Variants in PECAM1 observed in about 807,000 individuals in gnomAD.
PECAM1 encodes platelet endothelial cell adhesion molecule.
PECAM1 carries 8 observed loss-of-function variants against 13.8 expected under a neutral mutation model. The observed-to-expected ratio is 0.58, with a 90% CI of 0.34 to 1.05. PECAM1 has a LOEUF of 1.05. Ranked by LOEUF, PECAM1 falls within the 50% of genes least tolerant of loss-of-function variation. The pLI, the probability that PECAM1 is intolerant of heterozygous loss-of-function variation, is 0.03. For synonymous variants in PECAM1, 136 were observed against 52.6 expected, an observed-to-expected ratio of 2.58 and a Z score of -6.86; for missense variants, 304 against 141.2, an observed-to-expected ratio of 2.15 and a Z score of -5.84.
chr17:64,362,038 G>A (rs1284351941), intron 6 of PECAM1, among the ~76,000 whole-genome samples: 1 of 152,180 alleles, frequency 6.6e-6, no homozygotes, highest in Non-Finnish European at 1.5e-5. Context: ...CACAGCCACA[G>A]GTTAAATGAA....
intron 15 of PECAM1, among the ~76,000 whole-genome samples, chr17:64,327,850 G>A (rs746469833): frequency 3.9e-5 from 6 of 152,254 alleles, no homozygotes; most frequent in Admixed American, 6.5e-5. Context: ...GGGAATGATC[G>A]CCAGGTTTGA....
At chr17:64,354,791 C>A in intron 9 of PECAM1, 142 bp downstream of exon 9, 1 of 410,914 alleles carries the variant, frequency 2.4e-6, no homozygotes, top group African/African-American at 2.1e-5. Flanking sequence ...CCAAATTTAT[C>A]TTTTCTGGTT....
At position 64,375,320 on chromosome 17, in the gene PECAM1, T is replaced by C. The variant is rs2036331891; in HGVS notation, c.422A>G (p.Glu141Gly). 6.3e-6 allele frequency: 3 copies of C among 474,356 alleles called. No homozygotes were observed. Among genetic ancestry groups the C allele is most frequent in the Non-Finnish European group, 1.2e-5 (3 of 258,802 alleles). The allele number at this position is 474,356 out of a possible 1,614,324, so 29.4% of individuals were successfully genotyped here. Residue 141 changes from glutamate (E) to glycine (G), a missense_variant, in exon 4 of 16, where the codon GAG becomes GGG. Physicochemically the swap from Glu to Gly is moderately conservative, Grantham distance 98. Transcript: ENST00000563924. ...PSPRVTLDKK[E>G]AIQGGIVRVN... Reference sequence around the variant, plus strand: ...CCTCACGATCCCACCTTGGATGGCCTCTTTCTTGTCCAGTGTCACCCTGGG... The same window carrying C: ...CCTCACGATCCCACCTTGGATGGCCCCTTTCTTGTCCAGTGTCACCCTGGG...
At chr17:64,338,557 A>T (rs1439449256) in intron 14 of PECAM1, among the ~76,000 whole-genome samples, 4 of 127,584 alleles carry the variant, frequency 3.1e-5, no homozygotes, top group Non-Finnish European at 7.0e-5. Context: ...ATATATTTAT[A>T]TTTATTTTTA....
At chr17:64,374,536 C>A (rs2036313217) in intron 4 of PECAM1, among the ~76,000 whole-genome samples, 1 of 151,896 alleles carries the variant, frequency 6.6e-6, no homozygotes, top group Non-Finnish European at 1.5e-5. Context: ...GTAATCCCAG[C>A]ACTATGGGAG....
At chr17:64,325,441 A>G (rs910516488) in intron 15 of PECAM1, among the ~76,000 whole-genome samples, 3 of 151,592 alleles carry the variant, frequency 2.0e-5, no homozygotes, top group South Asian at 2.1e-4. Context: ...GACAATTAAA[A>G]AAAAGGATTC....
intron 3 of PECAM1, among the ~76,000 whole-genome samples, chr17:64,377,256 TG>T (rs2036380699): frequency 6.6e-6 from 1 of 152,182 alleles, no homozygotes; most frequent in South Asian, 2.1e-4. Context: ...GCATCAGAGC[TG>T]TACTGACTGG....
At chr17:64,369,177 TG>T (rs2036181911) in intron 5 of PECAM1, among the ~76,000 whole-genome samples, 1 of 152,076 alleles carries the variant, frequency 6.6e-6, no homozygotes, top group African/African-American at 2.4e-5. Flanking sequence ...TCAAGTGATC[TG>T]CCCACCTTGG....
intron 5 of PECAM1, among the ~76,000 whole-genome samples, chr17:64,364,024 T>C (rs2036045786): frequency 6.6e-6 from 1 of 152,020 alleles, no homozygotes; most frequent in African/African-American, 2.4e-5. Flanking sequence ...AAAAAATTAA[T>C]GAATCCAGGA....
intron 7 of PECAM1, among the ~76,000 whole-genome samples, chr17:64,357,884 C>T (rs2035880866): frequency 6.6e-6 from 1 of 152,148 alleles, no homozygotes; most frequent in Admixed American, 6.6e-5. Context: ...AGTCACCATG[C>T]CTGCTCCCTG....
Position 64,363,262 on chromosome 17 carries a change from T to G in PECAM1, c.1103A>C (p.Gln368Pro), listed in dbSNP as rs1220931153. The G allele has an allele frequency of 1.5e-5, 7 of 475,354 alleles. No individual in the cohort carries two copies. The highest frequency in any genetic ancestry group is 2.7e-5 in the Non-Finnish European group (7 of 259,108). 29.4% of individuals were successfully genotyped at this position (475,354 alleles called of 1,614,324 possible). A position where few individuals can be genotyped will look rare whatever the true frequency, so the allele number is the denominator to read the frequency against. The change falls in exon 6 of 16, where the codon CAG becomes CCG. Residue 368 changes from glutamine to proline, a missense_variant. Transcript: ENST00000563924. ...GGCTATCTTGGTGAAATCTTGAGTC[T>G]GTGACACAATCGTATCTTCCTTCTG... ...TIQKEDTIVS[Q>P]TQDFTKIASK...
chr17:64,347,209 T>C (rs1288825454), intron 13 of PECAM1, among the ~76,000 whole-genome samples: 1 of 151,874 alleles, frequency 6.6e-6, no homozygotes, highest in Admixed American at 6.6e-5. Context: ...TCTCTATTTT[T>C]CTTTAATTAA....
chr17:64,339,394 C>T (rs1368585418), intron 14 of PECAM1, among the ~76,000 whole-genome samples: 7 of 152,034 alleles, frequency 4.6e-5, no homozygotes, highest in South Asian at 4.1e-4. Flanking sequence ...TTGAAAGACA[C>T]GATGTACTTA....
At chr17:64,368,141 T>C (rs1283886329) in intron 5 of PECAM1, among the ~76,000 whole-genome samples, 2 of 152,210 alleles carry the variant, frequency 1.3e-5, no homozygotes, top group Non-Finnish European at 2.9e-5. Flanking sequence ...CCCTGAAACA[T>C]TGTCATCTAA....
intron 7 of PECAM1, among the ~76,000 whole-genome samples, chr17:64,359,640 T>C (rs1367832824): frequency 3.3e-5 from 5 of 152,172 alleles, no homozygotes; most frequent in African/African-American, 1.2e-4. Flanking sequence ...TGGAAAGAGA[T>C]TACATTGTCC....
chr17:64,367,006 C>CAA (rs56908523), intron 5 of PECAM1, among the ~76,000 whole-genome samples: 5,401 of 123,744 alleles, frequency 0.044, 162 homozygotes, highest in Non-Finnish European at 0.063. Context: ...AACTCCATTT[C>CAA]AAAAAAAAAA....
At chr17:64,379,090 A>G (rs1329589512) in intron 2 of PECAM1, 59 of 152,330 alleles carry the variant, frequency 3.9e-4, no homozygotes, top group Admixed American at 3.3e-3. Flanking sequence ...CTCACCTGCT[A>G]CCAAGAAGCA....
At position 64,321,939 on chromosome 17, in the gene PECAM1, G is replaced by A; in HGVS notation, c.*1877C>T. On this transcript the variant is annotated 3_prime_UTR_variant, in exon 16 of 16. Coordinates refer to ENST00000563924, the MANE Select transcript of PECAM1 (RefSeq NM_000442.5). ...CCAGATCATCAACAGAGACATGAAG[G>A]TCGTTAGAGGTCGTCTGATCCTTTG... The A allele has an allele frequency of 7.6e-7, 1 of 1,321,288 alleles. No homozygotes were observed. Among genetic ancestry groups the A allele is most frequent in the African/African-American group, 1.5e-5 (1 of 67,190 alleles). The allele number at this position is 1,321,288 out of a possible 1,614,324, so 81.8% of individuals were successfully genotyped here. A position where few individuals can be genotyped will look rare whatever the true frequency, so the allele number is the denominator to read the frequency against.
Position 64,347,399 on chromosome 17 carries a change from T to C in PECAM1, c.2107+861A>G, listed in dbSNP as rs1394998123. On this transcript the variant is annotated intron_variant, in intron 13 of 15. Transcript: ENST00000563924. ...TAAATAAATTAGCCGGCTGTGGCGGTGCATGCCTGTAATCCCAGCTACTCG... is the reference window on the plus strand; with the variant it reads ...TAAATAAATTAGCCGGCTGTGGCGGCGCATGCCTGTAATCCCAGCTACTCG... Among the ~76,000 whole-genome samples, 8 of 150,202 alleles carry C rather than the reference T, an allele frequency of 5.3e-5. No homozygotes were observed. The South Asian group carries it at 1.7e-3, about 31-fold the overall frequency.
Sources: allele counts gnomAD v4.1 joint callset (sites outside exome capture counted in the v4.1 genomes callset), GRCh38; gene constraint gnomAD v4.1.1; transcripts MANE v1.5; gene names NCBI Gene and HGNC (gene_info 2026-07-23, HGNC 2026-07-21).